The following TRIM58 variants were observed in gnomAD, a reference collection of about 807,000 sequenced individuals.
TRIM58 encodes the protein tripartite motif containing 58, also known as E3 ubiquitin-protein ligase TRIM58.
Under a neutral mutation model 34.1 loss-of-function variants are expected in TRIM58, and 38 were observed. That is an observed-to-expected ratio of 1.12 (90% CI 0.86 to 1.46). TRIM58 has a LOEUF of 1.46. Ranked by LOEUF, TRIM58 falls within the 40% of genes most tolerant of loss-of-function variation. The pLI, the probability that TRIM58 is intolerant of heterozygous loss-of-function variation, is 0.00. For synonymous variants in TRIM58, 273 were observed against 275.7 expected (o/e 0.99, Z 0.10); for missense variants, 677 against 642.0 (o/e 1.05, Z -0.59).
chr1:247,868,074 CT>C lies in TRIM58; in HGVS notation c.871+13del. On this transcript the variant is annotated intron_variant, in intron 5 of 5. Coordinates refer to ENST00000366481, the MANE Select transcript of TRIM58 (RefSeq NM_015431.4). Reference sequence around the variant, plus strand: ...TAAGGAAGTTCCAAGGTAGTTGCATCTTAGAGACTGGGAATTAGGCTGCCTG... The same window carrying C: ...TAAGGAAGTTCCAAGGTAGTTGCATCTAGAGACTGGGAATTAGGCTGCCTG... 6.3e-7 allele frequency: 1 copy of C among 1,592,392 alleles called. No homozygotes were observed. Among genetic ancestry groups the C allele is most frequent in the Non-Finnish European group, 8.6e-7 (1 of 1,168,926 alleles).
In TRIM58 at chr1:247,875,944, T is replaced by C. The variant is rs1659274707; in HGVS notation, c.916T>C (p.Leu306=). ...CGCCACGGCGCACCCGAGTCTGCTC[T>C]TGACCGCCGACCTGCGCAGTGTGCA... The part of the protein sequence containing the change: ...DPATAHPSLL[L]TADLRSVQDG... The change falls in exon 6 of 6, where the codon TTG becomes CTG. Residue 306 remains leucine (L), a synonymous_variant. Transcript: ENST00000366481. 4 of 1,614,000 alleles carry C rather than the reference T, an allele frequency of 2.5e-6. No homozygotes were observed. In the African/African-American group the frequency reaches 4.0e-5, roughly 16 times the overall value.
Position 247,878,835 on chromosome 1 carries a change from A to G in TRIM58, c.*2346A>G, listed in dbSNP as rs1297200109. On this transcript the variant is annotated 3_prime_UTR_variant, in exon 6 of 6. Transcript: ENST00000366481. ...TGAATCCTGTCTCACTGTGCATATT[A>G]TTGTGGTTTATATCAGTCAGTAAAC... is the stretch of plus-strand genomic sequence containing the variant. Among the ~76,000 whole-genome samples, 2 of 152,044 alleles carry G rather than the reference A, an allele frequency of 1.3e-5. No homozygotes were observed. The highest frequency in any genetic ancestry group is 2.9e-5 in the Non-Finnish European group (2 of 68,010).
rs571276238 is a variant in TRIM58 at position 247,876,254 on chromosome 1, G to A, written c.1226G>A (p.Arg409His). The A allele has an allele frequency of 1.8e-5, 29 of 1,614,144 alleles. No homozygotes were observed. Among genetic ancestry groups the A allele is most frequent in the South Asian group, 1.8e-4 (16 of 91,074 alleles). The change falls in exon 6 of 6, where the codon CGC (arginine) becomes CAC (histidine). Residue 409 changes from arginine to histidine, a missense_variant. Arg to His is a conservative substitution (Grantham distance 29). Transcript: ENST00000366481. ...CCTCTTCTCCAACTGGAAAGTCCTCGCTGCATTGGGATTTTCTTGGACTAT... is the reference window on the plus strand; with the variant it reads ...CCTCTTCTCCAACTGGAAAGTCCTCACTGCATTGGGATTTTCTTGGACTAT... The part of the protein sequence containing the change: ...SVPLLQLESP[R>H]CIGIFLDYEA...
rs2103328816 is a variant in TRIM58, at chr1:247,867,854, GGA to G, written c.759_760del (p.Val254ProfsTer5). 3 of 1,614,176 alleles carry G rather than the reference GGA, an allele frequency of 1.9e-6. No homozygotes were observed. Among genetic ancestry groups the G allele is most frequent in the Non-Finnish European group, 1.7e-6 (2 of 1,180,034 alleles). Reference protein sequence around the residue: ...PALGLLEGVRGVLSRSKAVTR... With the variant: ...PALGLLEGVRXVLSRSKAVTR... ...TTTCTTTCCTTTTCAGGGTGTGAGA[GGA>G]GTCCTGAGCAGGTATGTGTGCTTTC... On this transcript the variant is annotated frameshift_variant, in exon 4 of 6. Coordinates refer to ENST00000366481, the MANE Select transcript of TRIM58 (RefSeq NM_015431.4). LOFTEE classifies it high-confidence loss of function.
At chr1:247,862,967 T>G (rs1242393974) in intron 2 of TRIM58, among the ~76,000 whole-genome samples, 2 of 152,132 alleles carry the variant, frequency 1.3e-5, no homozygotes, top group East Asian at 3.9e-4. Flanking sequence ...CCTTCTCCAG[T>G]GGCTGCGTTA....
chr1:247,864,329 G>C (rs140083215), intron 2 of TRIM58, among the ~76,000 whole-genome samples: 85 of 152,036 alleles, frequency 5.6e-4, no homozygotes, highest in African/African-American at 1.8e-3. Flanking sequence ...TTTTTTTAGA[G>C]ATGGGGTCGC....
chr1:247,873,312 A>G (rs759532595), intron 5 of TRIM58, among the ~76,000 whole-genome samples: 16 of 152,112 alleles, frequency 1.1e-4, no homozygotes, highest in Non-Finnish European at 1.3e-4. Flanking sequence ...TGGTTGGGGT[A>G]TGGTCACATC....
At chr1:247,861,945 G>A (rs1252646007) in intron 2 of TRIM58, among the ~76,000 whole-genome samples, 2 of 151,520 alleles carry the variant, frequency 1.3e-5, no homozygotes, top group Non-Finnish European at 2.9e-5. Flanking sequence ...CCAACACGGA[G>A]AAACCCCGTC....
At chr1:247,874,091 TA>T in intron 5 of TRIM58, among the ~76,000 whole-genome samples, 1 of 152,220 alleles carries the variant, frequency 6.6e-6, no homozygotes. Flanking sequence ...CAAACTATAT[TA>T]ACATGTTAGT....
Position 247,864,855 on chromosome 1 carries a change from G to A in TRIM58, c.667G>A (p.Val223Ile). ...QRLRESKSRL[V>I]QQSKALKELA... ...ACTGCGGGAGAGCAAGAGCCGGCTG[G>A]TCCAGCAGAGCAAGGCCCTGAAGGA... Residue 223 changes from valine to isoleucine, a missense_variant, in exon 3 of 6, where the codon GTC becomes ATC. Coordinates refer to ENST00000366481, the MANE Select transcript of TRIM58 (RefSeq NM_015431.4). The A allele has an allele frequency of 1.2e-6, 2 of 1,612,268 alleles. No individual in the cohort carries two copies. The highest frequency in any genetic ancestry group is 1.7e-6 in the Non-Finnish European group (2 of 1,179,634).
intron 2 of TRIM58, among the ~76,000 whole-genome samples, chr1:247,861,566 TATATA>T (rs1182595264): frequency 7.9e-5 from 12 of 152,040 alleles, no homozygotes; most frequent in South Asian, 2.1e-4. Flanking sequence ...TATAATGTAT[TATATA>T]ATATGATATA....
At chr1:247,861,112 G>A (rs1404001606) in intron 2 of TRIM58, among the ~76,000 whole-genome samples, 1 of 151,986 alleles carries the variant, frequency 6.6e-6, no homozygotes, top group Non-Finnish European at 1.5e-5. Flanking sequence ...TTATATACAG[G>A]GTAATAATCT....
In TRIM58 at chr1:247,876,454, G is replaced by T. The variant is rs1659290038; in HGVS notation, c.1426G>T (p.Asp476Tyr). 1 of 1,613,972 alleles carries T rather than the reference G, an allele frequency of 6.2e-7. No homozygotes were observed. Among genetic ancestry groups the T allele is most frequent in the Non-Finnish European group, 8.5e-7 (1 of 1,179,996 alleles). Reference protein sequence around the residue: ...SGNWASRDHLDPASDVRDDHL With the variant: ...SGNWASRDHLYPASDVRDDHL ...AAATTGGGCATCCAGGGATCATTTAGATCCTGCTTCTGATGTAAGAGATGA... is the reference window on the plus strand; with the variant it reads ...AAATTGGGCATCCAGGGATCATTTATATCCTGCTTCTGATGTAAGAGATGA... The change falls in exon 6 of 6, where the codon GAT becomes TAT. Residue 476 changes from aspartate to tyrosine, a missense_variant. Asp to Tyr is a radical substitution (Grantham distance 160). Transcript: ENST00000366481.
chr1:247,875,849 T>C (rs1407767696), intron 5 of TRIM58, 51 bp from the exon 6 acceptor site: 1 of 1,509,578 alleles, frequency 6.6e-7, no homozygotes, highest in Non-Finnish European at 8.9e-7. Flanking sequence ...TTCCTAAGTT[T>C]CTACCAGTCC....
At chr1:247,865,019 T>G (rs572497010) in intron 3 of TRIM58, 84 bp downstream of exon 3, 2 of 1,281,366 alleles carry the variant, frequency 1.6e-6, no homozygotes, top group Admixed American at 5.4e-5. Flanking sequence ...ACAAACACTT[T>G]GGCGTTTATG....
chr1:247,859,028 G>T (rs899370585), intron 1 of TRIM58, among the ~76,000 whole-genome samples: 1 of 152,050 alleles, frequency 6.6e-6, no homozygotes, highest in Non-Finnish European at 1.5e-5. Flanking sequence ...GCCTCCCAAA[G>T]TGCTGGTGTT....
At chr1:247,858,222 C>T (rs1301006970) in intron 1 of TRIM58, among the ~76,000 whole-genome samples, 2 of 152,116 alleles carry the variant, frequency 1.3e-5, no homozygotes, top group Non-Finnish European at 2.9e-5. Flanking sequence ...GCGGGTGGCT[C>T]TCCATCAGCA....
intron 5 of TRIM58, among the ~76,000 whole-genome samples, chr1:247,869,432 T>C (rs953145777): frequency 6.6e-6 from 1 of 152,216 alleles, no homozygotes; most frequent in Non-Finnish European, 1.5e-5. Flanking sequence ...ATTCATCTTA[T>C]TAGCTTACAA....
rs1659298587 is a variant in TRIM58 at position 247,876,793 on chromosome 1, T to C, written c.*304T>C. The stretch of plus-strand genomic sequence containing the variant: ...AGGATTTCTATGCATTCATTATAAT[T>C]TGTTATTCCTTTCAATATCCTTGTA... On this transcript the variant is annotated 3_prime_UTR_variant, in exon 6 of 6. Transcript: ENST00000366481. 1.2e-5 allele frequency: 4 copies of C among 330,912 alleles called. No individual in the cohort carries two copies. Among genetic ancestry groups the C allele is most frequent in the African/African-American group, 4.2e-5 (2 of 47,166 alleles). The allele number at this position is 330,912 out of a possible 1,614,324, so 20.5% of individuals were successfully genotyped here.
Sources: gnomAD v4.1 joint callset for allele counts (sites outside exome capture counted in the v4.1 genomes callset) on GRCh38, gnomAD v4.1.1 for gene constraint, MANE v1.5 for transcripts, NCBI Gene and HGNC (gene_info 2026-07-23, HGNC 2026-07-21) for gene names.